The following INPP4B variants were observed in gnomAD, a reference collection of about 807,000 sequenced individuals.
The protein encoded by INPP4B is inositol polyphosphate-4-phosphatase type II B, also known as inositol polyphosphate 4-phosphatase type II.
Under a neutral mutation model 122.5 loss-of-function variants are expected in INPP4B, and 55 were observed. That is an observed-to-expected ratio of 0.45 (90% CI 0.36 to 0.56). The LOEUF (loss-of-function observed/expected upper bound fraction) is 0.56, where lower values mean the gene tolerates loss of function less well. INPP4B is among the 20% of genes least tolerant of loss of function. The pLI is 0.00. For synonymous variants in INPP4B, 403 were observed against 388.7 expected, an observed-to-expected ratio of 1.04 and a Z score of -0.43; for missense variants, 1,000 against 1,097.7, an observed-to-expected ratio of 0.91 and a Z score of 1.26.
chr4:142,641,519 G>A (rs995309548), intron 2 of INPP4B, among the ~76,000 whole-genome samples: 2 of 151,396 alleles, frequency 1.3e-5, no homozygotes, highest in African/African-American at 4.9e-5. Flanking sequence ...AACATGCGGT[G>A]TTTGGTTTTT....
intron 2 of INPP4B, among the ~76,000 whole-genome samples, chr4:142,498,767 T>G (rs2149811627): frequency 6.6e-6 from 1 of 152,188 alleles, no homozygotes; most frequent in South Asian, 2.1e-4. Context: ...CCAACCTGGG[T>G]GACAGACGGA....
chr4:142,598,073 C>A (rs1272044418), intron 2 of INPP4B, among the ~76,000 whole-genome samples: 3 of 152,172 alleles, frequency 2.0e-5, no homozygotes, highest in Non-Finnish European at 4.4e-5. Context: ...ATGAATAGAA[C>A]ACCTAGGAGA....
intron 12 of INPP4B, among the ~76,000 whole-genome samples, chr4:142,215,697 T>C (rs1028495395): frequency 2.6e-5 from 4 of 151,522 alleles, no homozygotes; most frequent in Non-Finnish European, 2.9e-5. Flanking sequence ...ATTGAGACCA[T>C]CCTGGCTAAC....
chr4:142,323,681 G>A (rs773299497), intron 7 of INPP4B, among the ~76,000 whole-genome samples: 6 of 151,526 alleles, frequency 4.0e-5, no homozygotes, highest in Non-Finnish European at 8.8e-5. Context: ...TCCTGACCTT[G>A]TGATCTGCCC....
At chr4:142,175,483 A>G (rs1204148747) in intron 15 of INPP4B, among the ~76,000 whole-genome samples, 1 of 152,182 alleles carries the variant, frequency 6.6e-6, no homozygotes, top group African/African-American at 2.4e-5. Context: ...CAAGAAGTCA[A>G]TGAAGGTATC....
intron 25 of INPP4B, among the ~76,000 whole-genome samples, chr4:142,050,331 C>A (rs779284312): frequency 1.7e-4 from 26 of 151,660 alleles, no homozygotes; most frequent in Admixed American, 1.2e-3. Context: ...GGGATTGTAA[C>A]CAAAAGGATG....
intron 7 of INPP4B, among the ~76,000 whole-genome samples, chr4:142,391,613 A>C (rs1278865530): frequency 2.6e-5 from 4 of 152,086 alleles, no homozygotes; most frequent in Non-Finnish European, 4.4e-5. Context: ...AACAAACAAA[A>C]AAAACCATGT....
chr4:142,290,195 C>CTTTTTTTTTTTTTTTTTTT (rs35260066), intron 9 of INPP4B, among the ~76,000 whole-genome samples: 3 of 77,482 alleles, frequency 3.9e-5, no homozygotes, highest in African/African-American at 1.3e-4. Flanking sequence ...TTCTTTCTTC[C>CTTTTTTTTTTTTTTTTTTT]TTTTTTTTTT....
chr4:142,337,874 CTT>C (rs1561882686), intron 7 of INPP4B, among the ~76,000 whole-genome samples: 1 of 150,352 alleles, frequency 6.7e-6, no homozygotes, highest in Non-Finnish European at 1.5e-5. Flanking sequence ...TTTATGGTGT[CTT>C]TTTCACGTCT....
At chr4:142,033,472 G>C (rs1195801762) in intron 25 of INPP4B, among the ~76,000 whole-genome samples, 1 of 152,062 alleles carries the variant, frequency 6.6e-6, no homozygotes, top group Non-Finnish European at 1.5e-5. Flanking sequence ...ATGCCTGGTT[G>C]GGGTCAGTTC....
intron 22 of INPP4B, among the ~76,000 whole-genome samples, chr4:142,108,842 G>T (rs546867190): frequency 1.6e-4 from 25 of 152,136 alleles, no homozygotes. Flanking sequence ...CAAGTTCAAA[G>T]GTAAAACCCA....
At chr4:142,662,580 T>C (rs902546406) in intron 2 of INPP4B, among the ~76,000 whole-genome samples, 2 of 152,060 alleles carry the variant, frequency 1.3e-5, no homozygotes, top group African/African-American at 2.4e-5. Flanking sequence ...TGAGAAGAGA[T>C]TGTGTCACCT....
At chr4:142,820,728 G>A (rs1379219719) in intron 1 of INPP4B, among the ~76,000 whole-genome samples, 1 of 152,102 alleles carries the variant, frequency 6.6e-6, no homozygotes, top group African/African-American at 2.4e-5. Flanking sequence ...CTGTGACGGT[G>A]TTGAGAAGGA....
intron 2 of INPP4B, among the ~76,000 whole-genome samples, chr4:142,696,392 C>A (rs1761031075): frequency 6.6e-6 from 1 of 152,098 alleles, no homozygotes; most frequent in South Asian, 2.1e-4. Context: ...AACAAGGATA[C>A]CACCCCCAAA....
intron 9 of INPP4B, among the ~76,000 whole-genome samples, chr4:142,275,689 G>A (rs1329162614): frequency 2.0e-5 from 3 of 151,764 alleles, no homozygotes; most frequent in Non-Finnish European, 3.0e-5. Context: ...ATTCACAAAT[G>A]TCAGAAGCCA....
chr4:142,591,551 G>A (rs1737493521), intron 2 of INPP4B, among the ~76,000 whole-genome samples: 1 of 152,066 alleles, frequency 6.6e-6, no homozygotes, highest in Non-Finnish European at 1.5e-5. Flanking sequence ...CCTCAAGGAG[G>A]TGGAGCAGAA....
chr4:142,173,457 G>T (rs1365130094), intron 16 of INPP4B, among the ~76,000 whole-genome samples, 175 bp downstream of exon 16: 1 of 150,588 alleles, frequency 6.6e-6, no homozygotes, highest in East Asian at 2.0e-4. Flanking sequence ...AGTAAGATTT[G>T]AACAGAGAAT....
chr4:142,118,247 C>T (rs1355993264), intron 21 of INPP4B, among the ~76,000 whole-genome samples: 3 of 152,120 alleles, frequency 2.0e-5, no homozygotes, highest in South Asian at 2.1e-4. Flanking sequence ...CAATGCCAAC[C>T]CCATCAAGCT....
At chr4:142,163,120 C>A (rs1354838610) in intron 16 of INPP4B, among the ~76,000 whole-genome samples, 2 of 151,826 alleles carry the variant, frequency 1.3e-5, no homozygotes, top group African/African-American at 4.8e-5. Flanking sequence ...ACAGTAGTCC[C>A]TCTTAATCTG....
Sources: gnomAD v4.1 joint callset for allele counts (sites outside exome capture counted in the v4.1 genomes callset) on GRCh38, gnomAD v4.1.1 for gene constraint, MANE v1.5 for transcripts, NCBI Gene and HGNC (gene_info 2026-07-23, HGNC 2026-07-21) for gene names.